The following CFAP92 variants were observed in gnomAD, a reference collection of about 807,000 sequenced individuals.
CFAP92 encodes the protein uncharacterized protein CFAP92.
Under a neutral mutation model 106.3 loss-of-function variants are expected in CFAP92, and 86 were observed. That is an observed-to-expected ratio of 0.81 (90% CI 0.68 to 0.97). CFAP92 has a LOEUF of 0.97. CFAP92 is among the 50% of genes least tolerant of loss of function. The probability of loss-of-function intolerance (pLI) is 0.00; values close to 1 mark genes in which losing one functional copy is unlikely to be tolerated. For synonymous variants in CFAP92, 477 were observed against 506.4 expected (o/e 0.94, Z 0.78); for missense variants, 1,204 against 1,283.8 (o/e 0.94, Z 0.95).
At chr3:129,000,031 T>C (rs1224523787) in intron 1 of CFAP92, among the ~76,000 whole-genome samples, 2 of 152,202 alleles carry the variant, frequency 1.3e-5, no homozygotes, top group East Asian at 3.8e-4. Context: ...TAAGCATCAG[T>C]GTTGTGCATA....
At chr3:128,952,701 A>G (rs576821553) in intron 9 of CFAP92, among the ~76,000 whole-genome samples, 1 of 152,190 alleles carries the variant, frequency 6.6e-6, no homozygotes, top group East Asian at 1.9e-4. Flanking sequence ...GGGTCACTTG[A>G]GCTCAGGAGT....
intron 9 of CFAP92, among the ~76,000 whole-genome samples, chr3:128,956,196 TA>T (rs577724635): frequency 0.21 from 12,621 of 61,524 alleles, 807 homozygotes; most frequent in African/African-American, 0.24. Flanking sequence ...AAAAAAAAAA[TA>T]AAAAAAAAAT....
chr3:128,987,582 G>A (rs960149075), intron 4 of CFAP92, 34 bp downstream of exon 4: 7 of 1,585,934 alleles, frequency 4.4e-6, no homozygotes, highest in Non-Finnish European at 6.1e-6. Flanking sequence ...TAAGCCCCAG[G>A]CTTCCAGAAC....
intron 4 of CFAP92, among the ~76,000 whole-genome samples, chr3:128,983,891 C>G (rs1320613128): frequency 6.6e-6 from 1 of 152,192 alleles, no homozygotes; most frequent in African/African-American, 2.4e-5. Context: ...CCTGGGGCAG[C>G]CATGAACAGC....
chr3:128,973,392 C>T (rs1942941358), intron 7 of CFAP92, among the ~76,000 whole-genome samples: 1 of 152,022 alleles, frequency 6.6e-6, no homozygotes. Context: ...CCCGGTGGCT[C>T]ACACCTGTAA....
intron 10 of CFAP92, among the ~76,000 whole-genome samples, chr3:128,937,908 C>CA (rs767018316): frequency 6.6e-6 from 1 of 151,994 alleles, no homozygotes. Flanking sequence ...ACTACAAATA[C>CA]AAAAAATTAG....
chr3:128,943,991 G>A (rs1324602627), intron 10 of CFAP92, among the ~76,000 whole-genome samples: 5 of 144,438 alleles, frequency 3.5e-5, no homozygotes, highest in East Asian at 2.1e-4. Flanking sequence ...ATTCAGTGGC[G>A]TGATACTGGC....
Position 128,945,416 on chromosome 3 carries a change from A to T in CFAP92, c.1913T>A (p.Ile638Asn). 2 of 1,536,126 alleles carry T rather than the reference A, an allele frequency of 1.3e-6. No individual in the cohort carries two copies. Among genetic ancestry groups the T allele is most frequent in the Non-Finnish European group, 1.7e-6 (2 of 1,146,910 alleles). Residue 638 changes from isoleucine to asparagine, a missense_variant, in exon 10 of 16, where the codon ATC becomes AAC. Transcript: ENST00000645291. Reference sequence around the variant, plus strand: ...GGCCCCGGCCCTCAGTGGCACCGCGATGTCCACTCGCAACTTGAGCTGGGA... The same window carrying T: ...GGCCCCGGCCCTCAGTGGCACCGCGTTGTCCACTCGCAACTTGAGCTGGGA... ...ADSQLKLRVD[I>N]AVPLRAGARA...
chr3:129,021,015 C>T, the CFAP92 span, among the ~76,000 whole-genome samples: 8 of 152,168 alleles, frequency 5.3e-5, no homozygotes, highest in Admixed American at 5.2e-4. Flanking sequence ...TCCTTGGGAG[C>T]AGTATCTCCC....
intron 8 of CFAP92, among the ~76,000 whole-genome samples, 175 bp from the exon 9 acceptor site, chr3:128,965,870 C>G (rs774047020): frequency 6.6e-6 from 1 of 151,952 alleles, no homozygotes; most frequent in Non-Finnish European, 1.5e-5. Context: ...GCAGCATGAC[C>G]TGTGCTAGTT....
chr3:128,962,776 C>A (rs1332873494), intron 9 of CFAP92, among the ~76,000 whole-genome samples: 1 of 152,162 alleles, frequency 6.6e-6, no homozygotes, highest in Non-Finnish European at 1.5e-5. Context: ...TATAAACTCT[C>A]CTTACCATTC....
the CFAP92 span, among the ~76,000 whole-genome samples, chr3:129,023,310 C>CTTTTTTT: frequency 1.4e-5 from 2 of 138,170 alleles, no homozygotes; most frequent in Non-Finnish European, 3.1e-5. Flanking sequence ...CCTCTTGCTT[C>CTTTTTTT]TTTTTTTTTT....
rs148887849 is a variant in CFAP92 at position 128,951,418 on chromosome 3, A to G, written c.1354-5443T>C. Among the ~76,000 whole-genome samples the G allele has an allele frequency of 7.0e-4, 106 of 152,258 alleles. 1 individual carries two copies. Among genetic ancestry groups the G allele is most frequent in the African/African-American group, 2.5e-3 (102 of 41,538 alleles). On this transcript the variant is annotated intron_variant, in intron 9 of 15. Transcript: ENST00000645291. The stretch of plus-strand genomic sequence containing the variant: ...TCCCCAGCTTCACGGGTAAAAATAC[A>G]CTTACAGAGTTCCTGTTCTGGATCA...
rs937091242 is a variant in CFAP92 at position 128,973,977 on chromosome 3, C to T, written c.1021+1802G>A. 3.3e-5 allele frequency among the ~76,000 whole-genome samples: 5 copies of T among 152,164 alleles called. No homozygotes were observed. The East Asian group carries it at 5.8e-4, about 18-fold the overall frequency. On this transcript the variant is annotated intron_variant, in intron 7 of 15. Transcript: ENST00000645291. ...TATCTTTATTTCAAAATAAAAAGAA[C>T]GGTTTAAAAATCTCATTAAATGCTT...
Position 128,910,210 on chromosome 3 carries a change from A to G in CFAP92, c.*89T>C, listed in dbSNP as rs1936112416. The G allele has an allele frequency of 6.2e-7, 1 of 1,611,384 alleles. No individual in the cohort carries two copies. The highest frequency in any genetic ancestry group is 8.5e-7 in the Non-Finnish European group (1 of 1,179,616). Reference sequence around the variant, plus strand: ...CTGCCATCTGTCCTGCTGCACTTTAATGAAGTTGATTGTTGAGGAGGGTGT... The same window carrying G: ...CTGCCATCTGTCCTGCTGCACTTTAGTGAAGTTGATTGTTGAGGAGGGTGT... On this transcript the variant is annotated 3_prime_UTR_variant, in exon 16 of 16. Coordinates refer to ENST00000645291, the MANE Select transcript of CFAP92 (RefSeq NM_001394090.1).
chr3:128,983,042 C>T (rs1943629359), intron 4 of CFAP92, among the ~76,000 whole-genome samples: 1 of 152,202 alleles, frequency 6.6e-6, no homozygotes, highest in Non-Finnish European at 1.5e-5. Flanking sequence ...CGTCAATAGA[C>T]TTGTTCAACA....
chr3:128,946,590 T>C (rs1940242347), intron 9 of CFAP92, among the ~76,000 whole-genome samples: 1 of 152,194 alleles, frequency 6.6e-6, no homozygotes, highest in Admixed American at 6.5e-5. Flanking sequence ...CTTACACAAG[T>C]CTGTGGTCTG....
At chr3:128,988,311 C>T (rs1002703769) in intron 3 of CFAP92, among the ~76,000 whole-genome samples, 2 of 152,046 alleles carry the variant, frequency 1.3e-5, no homozygotes, top group Non-Finnish European at 2.9e-5. Context: ...GAGGCCAACG[C>T]GGGAGGATGA....
the CFAP92 span, among the ~76,000 whole-genome samples, chr3:129,020,547 G>A: frequency 1.3e-5 from 2 of 152,204 alleles, no homozygotes; most frequent in South Asian, 4.1e-4. Flanking sequence ...TGAGGTGGGA[G>A]GATCACTTGA....
Sources: gnomAD v4.1 joint callset for allele counts (sites outside exome capture counted in the v4.1 genomes callset) on GRCh38, gnomAD v4.1.1 for gene constraint, MANE v1.5 for transcripts, NCBI Gene and HGNC (gene_info 2026-07-23, HGNC 2026-07-21) for gene names.